Variants in FAAH2 observed in about 807,000 individuals in gnomAD.
FAAH2 encodes the protein fatty acid amide hydrolase 2, also known as fatty-acid amide hydrolase 2.
A neutral mutation model predicts 36.9 loss-of-function variants in FAAH2; 60 were observed. That is an observed-to-expected ratio of 1.63 (90% CI 1.32 to 2.02). The LOEUF (loss-of-function observed/expected upper bound fraction) is 2.02, where lower values mean the gene tolerates loss of function less well. Among genes scored for constraint, FAAH2 ranks in the 30% most tolerant of loss-of-function variants. The pLI is 0.00. For synonymous variants in FAAH2, 214 were observed against 143.8 expected, an observed-to-expected ratio of 1.49 and a Z score of -3.49; for missense variants, 689 against 397.5, an observed-to-expected ratio of 1.73 and a Z score of -6.23.
chrX:57,183,215 A>C, the FAAH2 span, among the ~76,000 whole-genome samples: 12 of 111,588 alleles, frequency 1.1e-4, no homozygotes, highest in Non-Finnish European at 1.9e-4. Context: ...GCCTAAAATA[A>C]AATTTTAAAA....
intron 10 of FAAH2, among the ~76,000 whole-genome samples, chrX:57,451,241 C>T (rs2056778386): frequency 9.0e-6 from 1 of 111,549 alleles, no homozygotes; most frequent in African/African-American, 3.3e-5. Flanking sequence ...AGGATTCAAA[C>T]CCAGGTCTGT....
chrX:57,413,212 A>C (rs2055748374), intron 7 of FAAH2, among the ~76,000 whole-genome samples: 1 of 111,825 alleles, frequency 8.9e-6, no homozygotes, highest in Non-Finnish European at 1.9e-5. Flanking sequence ...GCTATGCTGA[A>C]GCTCTTTAGT....
Position 57,330,345 on chromosome X carries a change from T to C in FAAH2, c.413-1253T>C, listed in dbSNP as rs770399854. On this transcript the variant is annotated intron_variant, in intron 3 of 10. Transcript: ENST00000374900. Reference sequence around the variant, plus strand: ...GTTGAAACTTTAGGGATGAAATAAATCCCAGTCTCCCATAGCGCTCCCAGG... The same window carrying C: ...GTTGAAACTTTAGGGATGAAATAAACCCCAGTCTCCCATAGCGCTCCCAGG... Among the ~76,000 whole-genome samples the C allele has an allele frequency of 3.6e-5, 4 of 111,099 alleles. No homozygotes were observed. In the South Asian group the frequency reaches 1.5e-3, roughly 43 times the overall value.
intron 7 of FAAH2, among the ~76,000 whole-genome samples, chrX:57,412,124 A>T (rs1428203032): frequency 9.0e-6 from 1 of 111,559 alleles, no homozygotes; most frequent in Non-Finnish European, 1.9e-5. Context: ...TTCCAAATCG[A>T]CTCTTCTAGT....
chrX:57,460,503 T>C (rs1405370999), intron 10 of FAAH2, among the ~76,000 whole-genome samples: 1 of 111,681 alleles, frequency 9.0e-6, no homozygotes, highest in African/African-American at 3.3e-5. Context: ...GGGCCAGTAT[T>C]CTCAAAGAAA....
At chrX:57,201,154 G>A in the FAAH2 span, among the ~76,000 whole-genome samples, 10 of 109,329 alleles carry the variant, frequency 9.1e-5, no homozygotes, top group East Asian at 2.0e-3. Flanking sequence ...TGGGCACGGT[G>A]GCTCATGCCT....
intron 7 of FAAH2, among the ~76,000 whole-genome samples, chrX:57,423,018 T>C (rs1392892385): frequency 2.7e-5 from 3 of 111,817 alleles, no homozygotes; most frequent in Non-Finnish European, 5.6e-5. Context: ...CTCTGATACA[T>C]ATTTTCATTG....
intron 4 of FAAH2, among the ~76,000 whole-genome samples, chrX:57,338,616 C>A (rs920311439): frequency 3.6e-5 from 4 of 111,478 alleles, no homozygotes; most frequent in African/African-American, 9.8e-5. Context: ...TATTCACCAA[C>A]AACAGGCAAG....
At chrX:57,302,670 T>A (rs1327385469) in intron 2 of FAAH2, among the ~76,000 whole-genome samples, 1 of 111,340 alleles carries the variant, frequency 9.0e-6, no homozygotes, top group East Asian at 2.8e-4. Context: ...GAATCCTCCT[T>A]GGATTTCGCT....
At chrX:57,268,032 T>A in the FAAH2 span, among the ~76,000 whole-genome samples, 1 of 112,192 alleles carries the variant, frequency 8.9e-6, no homozygotes, top group South Asian at 3.7e-4. Context: ...CAATTCAGAA[T>A]ATTGATAGGA....
In FAAH2 at chrX:57,335,917, G is replaced by T. The variant is rs777163164; in HGVS notation, c.622+4110G>T. Reference sequence around the variant, plus strand: ...TGCCTTCAAGCATTTGTTTAACAAAGCACATCCTGCACAGCCCTTAATCCA... The same window carrying T: ...TGCCTTCAAGCATTTGTTTAACAAATCACATCCTGCACAGCCCTTAATCCA... On this transcript the variant is annotated intron_variant, in intron 4 of 10. Coordinates refer to ENST00000374900, the MANE Select transcript of FAAH2 (RefSeq NM_174912.4). Among the ~76,000 whole-genome samples the T allele has an allele frequency of 2.7e-5, 3 of 111,886 alleles. No homozygotes were observed. In the East Asian group the frequency reaches 8.5e-4, roughly 32 times the overall value.
chrX:57,324,424 C>T (rs2053144349), intron 3 of FAAH2, among the ~76,000 whole-genome samples: 1 of 111,735 alleles, frequency 8.9e-6, no homozygotes, highest in South Asian at 3.8e-4. Flanking sequence ...TATAAATTAC[C>T]TTGGGCAGTA....
At chrX:57,374,006 T>C (rs2054611561) in intron 5 of FAAH2, among the ~76,000 whole-genome samples, 1 of 111,566 alleles carries the variant, frequency 9.0e-6, no homozygotes, top group Non-Finnish European at 1.9e-5. Context: ...TTTTGTTTGC[T>C]TTGTCAAAGA....
chrX:57,477,699 C>A (rs780402108), intron 10 of FAAH2, among the ~76,000 whole-genome samples: 2 of 102,630 alleles, frequency 1.9e-5, no homozygotes, highest in Non-Finnish European at 4.0e-5. Context: ...CCCAAGTGTT[C>A]TCATTGTTCC....
At chrX:57,191,191 T>A in the FAAH2 span, among the ~76,000 whole-genome samples, 1 of 112,055 alleles carries the variant, frequency 8.9e-6, no homozygotes, top group East Asian at 2.8e-4. Context: ...TTAAGTGGAG[T>A]GAGATAGTAT....
chrX:57,150,332 A>T, the FAAH2 span, among the ~76,000 whole-genome samples: 1 of 111,552 alleles, frequency 9.0e-6, no homozygotes, highest in African/African-American at 3.3e-5. Flanking sequence ...TTTCTGTCTC[A>T]TTGATCTGTC....
chrX:57,149,329 A>G, the FAAH2 span, among the ~76,000 whole-genome samples: 4 of 111,694 alleles, frequency 3.6e-5, no homozygotes, highest in Non-Finnish European at 7.5e-5. Flanking sequence ...TTCAGAAGGA[A>G]TGGTACCAGC....
chrX:57,298,635 A>G (rs1290446275), intron 2 of FAAH2, among the ~76,000 whole-genome samples: 5 of 30,697 alleles, frequency 1.6e-4, no homozygotes, highest in Non-Finnish European at 2.4e-4. Flanking sequence ...AGAGACACAA[A>G]AAACCCTTCA....
intron 10 of FAAH2, among the ~76,000 whole-genome samples, chrX:57,473,229 C>T (rs1469607557): frequency 9.0e-6 from 1 of 110,952 alleles, no homozygotes; most frequent in Non-Finnish European, 1.9e-5. Context: ...TATATTGTGT[C>T]TGTTTTTATA....
Sources: gnomAD v4.1 joint callset for allele counts (sites outside exome capture counted in the v4.1 genomes callset) on GRCh38, gnomAD v4.1.1 for gene constraint, MANE v1.5 for transcripts, NCBI Gene and HGNC (gene_info 2026-07-23, HGNC 2026-07-21) for gene names.